Variants in GLIS3 observed in about 807,000 individuals in gnomAD.
The protein encoded by GLIS3 is zinc finger protein GLIS3.
GLIS3 carries 53 observed loss-of-function variants against 78.6 expected under a neutral mutation model. The ratio of observed to expected loss-of-function variants is 0.67; its 90% confidence interval spans 0.54 to 0.85. The LOEUF (loss-of-function observed/expected upper bound fraction) is 0.85. GLIS3 is among the 40% of genes least tolerant of loss of function. The probability of loss-of-function intolerance (pLI) is 0.00; values close to 1 mark genes in which losing one functional copy is unlikely to be tolerated. For missense variants in GLIS3, 1,703 were observed against 1,231.1 expected (o/e 1.38, Z -5.74); for synonymous variants, 684 against 509.9 (o/e 1.34, Z -4.60).
At chr9:4,069,608 T>TC (rs1266144875) in intron 4 of GLIS3, among the ~76,000 whole-genome samples, 2 of 152,288 alleles carry the variant, frequency 1.3e-5, no homozygotes, top group East Asian at 3.9e-4. Context: ...TAAAACAGTT[T>TC]CTTTTTTTCA....
the GLIS3 span, among the ~76,000 whole-genome samples, chr9:4,482,376 C>T: frequency 6.6e-6 from 1 of 152,174 alleles, no homozygotes; most frequent in Non-Finnish European, 1.5e-5. Context: ...TTCTTTTCTT[C>T]TTCAATTTAT....
the GLIS3 span, among the ~76,000 whole-genome samples, chr9:4,419,157 G>T: frequency 1.7e-4 from 26 of 152,156 alleles, no homozygotes; most frequent in Non-Finnish European, 2.9e-4. Context: ...AGAAATTTGT[G>T]CTCCCTTTCT....
chr9:4,260,367 C>G (rs1825397145), intron 2 of GLIS3, among the ~76,000 whole-genome samples: 1 of 152,056 alleles, frequency 6.6e-6, no homozygotes, highest in Non-Finnish European at 1.5e-5. Flanking sequence ...GAGTTCAAGA[C>G]CAGCCTGGCC....
intron 4 of GLIS3, among the ~76,000 whole-genome samples, chr9:4,024,025 CA>C (rs148648529): frequency 7.6e-6 from 1 of 130,858 alleles, no homozygotes; most frequent in Non-Finnish European, 1.6e-5. Context: ...GAAGGAAAAA[CA>C]AAAAAAAACA....
chr9:3,971,745 C>T (rs1818397503), intron 4 of GLIS3, among the ~76,000 whole-genome samples: 1 of 152,164 alleles, frequency 6.6e-6, no homozygotes, highest in Non-Finnish European at 1.5e-5. Context: ...TTGAAAAGCA[C>T]TGTCTTGTAT....
intron 4 of GLIS3, among the ~76,000 whole-genome samples, chr9:4,088,710 G>A (rs915675007): frequency 1.3e-5 from 2 of 152,218 alleles, no homozygotes; most frequent in Admixed American, 6.5e-5. Context: ...TCTCCTCAAG[G>A]AACCTACAGT....
At chr9:4,429,528 C>T in the GLIS3 span, among the ~76,000 whole-genome samples, 3 of 152,160 alleles carry the variant, frequency 2.0e-5, no homozygotes, top group African/African-American at 7.2e-5. Context: ...TGTCTGACCC[C>T]CTGGCCTTGT....
chr9:4,327,147 G>A (rs984025861), intron 2 of GLIS3, among the ~76,000 whole-genome samples: 10 of 152,292 alleles, frequency 6.6e-5, no homozygotes, highest in African/African-American at 2.4e-4. Context: ...AGTTAATGAT[G>A]CAGTTGGTGT....
At chr9:4,190,281 T>C (rs1332738644) in intron 2 of GLIS3, among the ~76,000 whole-genome samples, 9 of 152,088 alleles carry the variant, frequency 5.9e-5, no homozygotes, top group African/African-American at 9.7e-5. Flanking sequence ...TTAAAAACTT[T>C]GAAAAAATTT....
At chr9:4,256,559 T>C (rs1824960865) in intron 2 of GLIS3, among the ~76,000 whole-genome samples, 1 of 152,198 alleles carries the variant, frequency 6.6e-6, no homozygotes, top group South Asian at 2.1e-4. Context: ...TCTTTCTGAA[T>C]GGTAAGTTGG....
intron 8 of GLIS3, among the ~76,000 whole-genome samples, chr9:3,868,905 A>G (rs921702898): frequency 6.6e-6 from 1 of 151,778 alleles, no homozygotes; most frequent in African/African-American, 2.4e-5. Context: ...TCAGGAAAAA[A>G]TTTCCTCCTC....
intron 2 of GLIS3, among the ~76,000 whole-genome samples, chr9:4,211,577 G>C (rs1820377728): frequency 6.6e-6 from 1 of 152,248 alleles, no homozygotes; most frequent in Non-Finnish European, 1.5e-5. Context: ...ATTCTTAGCA[G>C]ACATGTAAAA....
the GLIS3 span, among the ~76,000 whole-genome samples, chr9:4,444,026 A>C: frequency 1.9e-3 from 286 of 152,316 alleles, no homozygotes; most frequent in Non-Finnish European, 3.5e-3. Flanking sequence ...ATGATTCATC[A>C]TAGATGAGGC....
chr9:4,006,409 T>C (rs1821556207), intron 4 of GLIS3, among the ~76,000 whole-genome samples: 1 of 145,816 alleles, frequency 6.9e-6, no homozygotes, highest in African/African-American at 2.6e-5. Context: ...TAGTCAAGAA[T>C]ATAATTTAGC....
At chr9:4,263,985 G>T (rs1172991774) in intron 2 of GLIS3, among the ~76,000 whole-genome samples, 1 of 152,052 alleles carries the variant, frequency 6.6e-6, no homozygotes, top group Non-Finnish European at 1.5e-5. Context: ...TCATCTCTAT[G>T]CTGTTAACTC....
At chr9:3,968,216 A>C (rs1818106398) in intron 4 of GLIS3, among the ~76,000 whole-genome samples, 1 of 152,200 alleles carries the variant, frequency 6.6e-6, no homozygotes, top group Non-Finnish European at 1.5e-5. Context: ...CAGGAGCAGA[A>C]TGATCGTCAG....
At chr9:4,376,360 G>A in the GLIS3 span, among the ~76,000 whole-genome samples, 1 of 152,150 alleles carries the variant, frequency 6.6e-6, no homozygotes, top group Non-Finnish European at 1.5e-5. Flanking sequence ...TGTTTTTCCT[G>A]GGGAGAGCCT....
intron 2 of GLIS3, among the ~76,000 whole-genome samples, chr9:4,232,688 G>C (rs767816575): frequency 9.9e-5 from 15 of 152,116 alleles, no homozygotes; most frequent in African/African-American, 9.7e-5. Context: ...ATCAATAAAG[G>C]CTTCTGGAAG....
intron 2 of GLIS3, among the ~76,000 whole-genome samples, chr9:4,335,640 C>T (rs752633536): frequency 7.9e-5 from 12 of 152,058 alleles, no homozygotes; most frequent in East Asian, 5.8e-4. Context: ...CTAAGTAGCC[C>T]GGGGTTAAAC....
Sources: gnomAD v4.1 joint callset for allele counts (sites outside exome capture counted in the v4.1 genomes callset) on GRCh38, gnomAD v4.1.1 for gene constraint, MANE v1.5 for transcripts, NCBI Gene and HGNC (gene_info 2026-07-23, HGNC 2026-07-21) for gene names.